The following HECTD4 variants were observed in gnomAD, a reference collection of about 807,000 sequenced individuals.
The protein encoded by HECTD4 is HECT domain E3 ubiquitin protein ligase 4.
HECTD4 carries 114 observed loss-of-function variants against 471.5 expected under a neutral mutation model. That is an observed-to-expected ratio of 0.24 (90% CI 0.21 to 0.28). The LOEUF (loss-of-function observed/expected upper bound fraction) is 0.28, where lower values mean the gene tolerates loss of function less well. Among genes scored for constraint, HECTD4 ranks in the 10% least tolerant of loss-of-function variants. The pLI is 1.00. For missense variants in HECTD4, 3,866 were observed against 5,651.5 expected, an observed-to-expected ratio of 0.68 and a Z score of 10.13; for synonymous variants, 2,012 against 2,256.0, an observed-to-expected ratio of 0.89 and a Z score of 3.07.
At chr12:112,359,293 C>CTT (rs1309972807) in intron 1 of HECTD4, among the ~76,000 whole-genome samples, 3 of 143,536 alleles carry the variant, frequency 2.1e-5, no homozygotes, top group African/African-American at 7.6e-5. Context: ...GTGAATCATG[C>CTT]TTTTTTTTTT....
At chr12:112,212,790 T>C in intron 48 of HECTD4, 140 bp from the exon 49 acceptor site, 2 of 518,996 alleles carry the variant, frequency 3.9e-6, no homozygotes, top group Non-Finnish European at 6.2e-6. Flanking sequence ...AAGTTATTGT[T>C]ATTTATTTAT....
intron 9 of HECTD4, among the ~76,000 whole-genome samples, chr12:112,277,355 T>C (rs1167470736): frequency 1.3e-5 from 2 of 152,226 alleles, no homozygotes; most frequent in Non-Finnish European, 2.9e-5. Flanking sequence ...TGCCACCCTG[T>C]GAAGACGCCT....
At chr12:112,343,520 A>T (rs968195147) in intron 1 of HECTD4, among the ~76,000 whole-genome samples, 1 of 152,224 alleles carries the variant, frequency 6.6e-6, no homozygotes, top group African/African-American at 2.4e-5. Context: ...CTGTAATCCC[A>T]GCACTTGGGG....
Position 112,172,663 on chromosome 12 carries a change from C to A in HECTD4, c.11785+8G>T, listed in dbSNP as rs563667877. On this transcript the variant is annotated splice_region_variant and intron_variant, in intron 67 of 75. Transcript: ENST00000682272. Reference sequence around the variant, plus strand: ...AGCAGGGGAGGGGATAGGCCCAGGGCCACATACTCAGGAGACAGGCCACTC... The same window carrying A: ...AGCAGGGGAGGGGATAGGCCCAGGGACACATACTCAGGAGACAGGCCACTC... 1.5e-5 allele frequency: 25 copies of A among 1,613,388 alleles called. 1 individual carries two copies. The highest frequency in any genetic ancestry group is 2.1e-5 in the Non-Finnish European group (25 of 1,179,652).
rs772099792 is a variant in HECTD4, at chr12:112,229,707, G to A, written c.6510C>T (p.Ser2170=). ...ACATGGTGGTTGGTACCTGAACCTCGGATCCTATCTTGATTGTCTCTTTGA... is the reference window on the plus strand; with the variant it reads ...ACATGGTGGTTGGTACCTGAACCTCAGATCCTATCTTGATTGTCTCTTTGA... ...GGFKETIKIG[S]EVQVLGRGIS... The change falls in exon 41 of 76, where the codon TCC becomes TCT. Residue 2170 remains serine (S), a synonymous_variant. Transcript: ENST00000682272. The A allele has an allele frequency of 1.9e-5, 30 of 1,611,784 alleles. No homozygotes were observed. In the Middle Eastern group the frequency reaches 5.0e-4, roughly 27 times the overall value.
At chr12:112,170,776 A>G in intron 68 of HECTD4, 1 of 445,778 alleles carries the variant, frequency 2.2e-6, no homozygotes, top group Non-Finnish European at 4.0e-6. Flanking sequence ...TGTCAAGAGA[A>G]AAGTCTGGAA....
chr12:112,234,834 A>T (rs2033463079), intron 37 of HECTD4, among the ~76,000 whole-genome samples: 1 of 152,232 alleles, frequency 6.6e-6, no homozygotes, highest in Non-Finnish European at 1.5e-5. Context: ...AGTTGCACTT[A>T]GAGAGACAGT....
intron 1 of HECTD4, among the ~76,000 whole-genome samples, chr12:112,334,637 C>CAAAAAAAAAAAAA (rs869292531): frequency 8.8e-5 from 4 of 45,242 alleles, no homozygotes; most frequent in East Asian, 6.4e-4. Context: ...ACTAAAAATA[C>CAAAAAAAAAAAAA]AAAAAAAAAA....
chr12:112,343,067 A>C (rs2036080989), intron 1 of HECTD4, among the ~76,000 whole-genome samples: 1 of 150,206 alleles, frequency 6.7e-6, no homozygotes, highest in South Asian at 2.4e-4. Flanking sequence ...GTACAATTTT[A>C]GAATTTCACA....
At chr12:112,174,144 A>G (rs1247973425) in intron 66 of HECTD4, among the ~76,000 whole-genome samples, 3 of 146,570 alleles carry the variant, frequency 2.0e-5, no homozygotes, top group Non-Finnish European at 4.5e-5. Flanking sequence ...CGCTCGGCTA[A>G]TTTTTGTAGA....
In HECTD4 at chr12:112,185,335, T is replaced by C. The variant is rs2031821894; in HGVS notation, c.9631A>G (p.Met3211Val). 6.3e-7 allele frequency: 1 copy of C among 1,594,322 alleles called. No homozygotes were observed. The change falls in exon 61 of 76, where the codon ATG becomes GTG. Residue 3211 changes from methionine to valine, a missense_variant. Met to Val is a conservative substitution (Grantham distance 21). Coordinates refer to ENST00000682272, the MANE Select transcript of HECTD4 (RefSeq NM_001388303.1). The stretch of plus-strand genomic sequence containing the variant: ...AGCTCCGACTGCAAGGCCATCAGCA[T>C]GGCCAGGCAGGGGTTCAGCTGGAGG... The part of the protein sequence containing the change: ...IALQLNPCLA[M>V]LMALQSELHK...
Position 112,185,297 on chromosome 12 carries a change from G to A in HECTD4, c.9669C>T (p.Tyr3223=), listed in dbSNP as rs778261032. 12 of 1,560,692 alleles carry A rather than the reference G, an allele frequency of 7.7e-6. No homozygotes were observed. Among genetic ancestry groups the A allele is most frequent in the African/African-American group, 5.4e-5 (4 of 73,460 alleles). ...AGACCCAGTTCTGCGTCTCCTCGTC[G>A]TACAGCTTGTGGAGCTCCGACTGCA... ...MALQSELHKL[Y]DEETQNWVSG... Residue 3223 remains tyrosine (Y), a synonymous_variant, in exon 61 of 76, where the codon TAC becomes TAT. Transcript: ENST00000682272.
intron 1 of HECTD4, among the ~76,000 whole-genome samples, chr12:112,359,379 C>A (rs1302640438): frequency 2.0e-5 from 3 of 152,038 alleles, no homozygotes; most frequent in African/African-American, 7.2e-5. Context: ...CCCCCCTCCC[C>A]AGCAACCACT....
intron 39 of HECTD4, chr12:112,231,121 C>G (rs368902932): frequency 2.2e-6 from 1 of 451,136 alleles, no homozygotes; most frequent in African/African-American, 1.9e-5. Context: ...CAAAACACCT[C>G]GAACCAACTT....
chr12:112,279,273 T>G lies in HECTD4; in HGVS notation c.1642A>C (p.Thr548Pro). The change falls in exon 9 of 76, where the codon ACC becomes CCC. Residue 548 changes from threonine (T) to proline (P), a missense_variant. Thr to Pro is a conservative substitution (Grantham distance 38, BLOSUM62 -1). Around this residue, in one of 16 missense-constraint regions of HECTD4, gnomAD observed 525 missense variants for 672.6 expected, o/e 0.78. Transcript: ENST00000682272. ...PPPGGSGSSA[T>P]RSLFGGTSGL... ...CTTGTTCCACCAAAAAGAGATCGGG[T>G]GGCAGAGCTGCCTGATCCCCCTGGA... The G allele has an allele frequency of 6.2e-7, 1 of 1,612,562 alleles. No homozygotes were observed. The highest frequency in any genetic ancestry group is 8.5e-7 in the Non-Finnish European group (1 of 1,179,608).
At chr12:112,247,274 G>T (rs1027664221) in intron 28 of HECTD4, among the ~76,000 whole-genome samples, 188 bp downstream of exon 28, 1 of 152,136 alleles carries the variant, frequency 6.6e-6, no homozygotes, top group Non-Finnish European at 1.5e-5. Context: ...TCCTTTTTCT[G>T]TTTCAAATGC....
rs761255803 is a variant in HECTD4, at chr12:112,208,481, G to A, written c.8004+13C>T. 2 of 1,571,428 alleles carry A rather than the reference G, an allele frequency of 1.3e-6. No individual in the cohort carries two copies. Among genetic ancestry groups the A allele is most frequent in the Non-Finnish European group, 1.7e-6 (2 of 1,162,016 alleles). On this transcript the variant is annotated intron_variant, in intron 51 of 75. Coordinates refer to ENST00000682272, the MANE Select transcript of HECTD4 (RefSeq NM_001388303.1). The stretch of plus-strand genomic sequence containing the variant: ...TGCTGCTGAGTCCTGATCTAAGCCT[G>A]TGGGTCTCTTACCTGAGGGATGTCA...
intron 45 of HECTD4, among the ~76,000 whole-genome samples, chr12:112,218,143 G>A (rs1458383434): frequency 2.0e-5 from 3 of 149,664 alleles, no homozygotes; most frequent in Non-Finnish European, 4.4e-5. Flanking sequence ...GGGTGACAGA[G>A]TGAGACTCCA....
rs551890503 is a variant in HECTD4, at chr12:112,351,856, A to G, written c.177+30096T>C. ...GTTTAAAAGGCAAAAATTCTAACCCAAAGTATCTCAGTCATCTCAGTCACT... is the reference window on the plus strand; with the variant it reads ...GTTTAAAAGGCAAAAATTCTAACCCGAAGTATCTCAGTCATCTCAGTCACT... On this transcript the variant is annotated intron_variant, in intron 1 of 75. Transcript: ENST00000682272. Among the ~76,000 whole-genome samples, 27 of 152,362 alleles carry G rather than the reference A, an allele frequency of 1.8e-4. 1 individual carries two copies. The highest frequency in any genetic ancestry group is 5.8e-4 in the African/African-American group (24 of 41,596).
Sources: gnomAD v4.1 joint callset for allele counts (sites outside exome capture counted in the v4.1 genomes callset) on GRCh38, gnomAD v4.1.1 for gene constraint, gnomAD v4.1.1 regional missense constraint, MANE v1.5 for transcripts, NCBI Gene and HGNC (gene_info 2026-07-23, HGNC 2026-07-21) for gene names.